The following KIAA0825 variants were observed in gnomAD, a reference collection of about 807,000 sequenced individuals.
The protein encoded by KIAA0825 is KIAA0825.
A neutral mutation model predicts 147.6 loss-of-function variants in KIAA0825; 119 were observed. That is an observed-to-expected ratio of 0.81 (90% CI 0.69 to 0.94). KIAA0825 has a LOEUF of 0.94. Ranked by LOEUF, KIAA0825 falls within the 40% of genes least tolerant of loss-of-function variation. The pLI is 0.00. For missense variants in KIAA0825, 1,381 were observed against 1,472.7 expected (o/e 0.94, Z 1.02); for synonymous variants, 470 against 518.1 (o/e 0.91, Z 1.26).
At chr5:94,378,778 C>CT (rs1747952914) in intron 20 of KIAA0825, among the ~76,000 whole-genome samples, 1 of 152,096 alleles carries the variant, frequency 6.6e-6, no homozygotes, top group African/African-American at 2.4e-5. Context: ...TATTTTTTGA[C>CT]TTTTTATTAG....
intron 20 of KIAA0825, among the ~76,000 whole-genome samples, chr5:94,331,372 G>T (rs983436708): frequency 6.6e-6 from 1 of 152,096 alleles, no homozygotes; most frequent in African/African-American, 2.4e-5. Context: ...ACTCATTCAA[G>T]AAGTAATAGA....
At chr5:94,452,667 C>T (rs1758565326) in intron 13 of KIAA0825, among the ~76,000 whole-genome samples, 1 of 152,060 alleles carries the variant, frequency 6.6e-6, no homozygotes, top group African/African-American at 2.4e-5. Context: ...CTGCCAAATC[C>T]CCAGTCATAG....
At chr5:94,405,502 T>C (rs1279622772) in intron 15 of KIAA0825, among the ~76,000 whole-genome samples, 1 of 152,170 alleles carries the variant, frequency 6.6e-6, no homozygotes, top group African/African-American at 2.4e-5. Flanking sequence ...TCCAGATAAA[T>C]TGTAAGTAAC....
At chr5:94,241,114 C>T (rs993472778) in intron 20 of KIAA0825, among the ~76,000 whole-genome samples, 19 of 152,150 alleles carry the variant, frequency 1.2e-4, no homozygotes, top group Non-Finnish European at 2.9e-5. Context: ...TCCCTGTTTT[C>T]TTTCCCAAAC....
intron 20 of KIAA0825, among the ~76,000 whole-genome samples, chr5:94,333,298 G>C (rs1435730901): frequency 6.6e-6 from 1 of 152,092 alleles, no homozygotes; most frequent in Non-Finnish European, 1.5e-5. Flanking sequence ...TGAAGTCTTT[G>C]CCCATGCCTA....
chr5:94,182,116 CCCTTCAGTGGGA>C (rs1391918764), intron 20 of KIAA0825, among the ~76,000 whole-genome samples: 2 of 152,000 alleles, frequency 1.3e-5, no homozygotes, highest in African/African-American at 2.4e-5. Context: ...TCCCATCCTA[CCCTTCAGTGGGA>C]CCTTCAGCGC....
intron 20 of KIAA0825, among the ~76,000 whole-genome samples, chr5:94,313,320 A>T (rs1032809369): frequency 3.3e-5 from 5 of 151,674 alleles, no homozygotes. Context: ...GAAGAGAGTA[A>T]CTTTTACGGC....
intron 2 of KIAA0825, among the ~76,000 whole-genome samples, chr5:94,577,833 AG>A (rs1210082021): frequency 1.3e-5 from 2 of 152,230 alleles, no homozygotes; most frequent in Admixed American, 6.5e-5. Flanking sequence ...CTTATGTAAG[AG>A]GTTGACCAAA....
chr5:94,417,321 A>T lies in KIAA0825; in HGVS notation c.2542T>A (p.Leu848Met), dbSNP rs1261604498. Residue 848 changes from leucine to methionine, a missense_variant, in exon 15 of 21, where the codon TTG becomes ATG. Coordinates refer to ENST00000682413, the MANE Select transcript of KIAA0825 (RefSeq NM_001145678.3). Reference protein sequence around the residue: ...TENNLNQGPSLMEAIFKILYH... With the variant: ...TENNLNQGPSMMEAIFKILYH... ...AATATTTTAAAGATGGCTTCCATCA[A>T]GCTGGGTCCTTGGTTCAGGTTATTT... The T allele has an allele frequency of 6.5e-7, 1 of 1,550,110 alleles. No individual in the cohort carries two copies.
At chr5:94,610,309 A>T (rs935581144) in intron 1 of KIAA0825, among the ~76,000 whole-genome samples, 3 of 151,632 alleles carry the variant, frequency 2.0e-5, no homozygotes, top group African/African-American at 2.4e-5. Flanking sequence ...AATCCCAGCT[A>T]CTCAGGAGGC....
At chr5:94,477,298 G>C in intron 6 of KIAA0825, 93 bp from the exon 7 acceptor site, 1 of 811,464 alleles carries the variant, frequency 1.2e-6, no homozygotes, top group Non-Finnish European at 2.0e-6. Flanking sequence ...TATTAACTAC[G>C]TAGAAAAGTT....
At chr5:94,508,319 T>TA (rs1766014053) in intron 5 of KIAA0825, among the ~76,000 whole-genome samples, 1 of 152,216 alleles carries the variant, frequency 6.6e-6, no homozygotes, top group African/African-American at 2.4e-5. Context: ...AAGATAATTA[T>TA]AAAAAATCAT....
chr5:94,174,685 C>A (rs1405281442), intron 20 of KIAA0825, among the ~76,000 whole-genome samples: 1 of 152,040 alleles, frequency 6.6e-6, no homozygotes, highest in South Asian at 2.1e-4. Flanking sequence ...AAAACTATAA[C>A]CCTTTTAAAT....
chr5:94,471,525 C>T lies in KIAA0825; in HGVS notation c.1662G>A (p.Ala554=), dbSNP rs61733074. The change falls in exon 9 of 21, where the codon GCG becomes GCA. Residue 554 remains alanine (A), a synonymous_variant. Transcript: ENST00000682413. ...LKNLHTYLST[A]VYVFQHFKRY... ...GCTTGAAATGCTGGAAGACATACAC[C>T]GCTGTGGAGAGGTATGTGTGCAAGT... is the stretch of plus-strand genomic sequence containing the variant. 443 of 1,551,980 alleles carry T rather than the reference C, an allele frequency of 2.9e-4. No individual in the cohort carries two copies. In the Middle Eastern group the frequency reaches 3.2e-3, roughly 11 times the overall value.
chr5:94,361,749 A>G (rs1257977477), intron 20 of KIAA0825, among the ~76,000 whole-genome samples: 1 of 152,188 alleles, frequency 6.6e-6, no homozygotes, highest in African/African-American at 2.4e-5. Context: ...TGAACAATTA[A>G]TTGTTCCTGT....
Position 94,595,235 on chromosome 5 carries a change from T to G in KIAA0825, c.-152-12652A>C, listed in dbSNP as rs114418781. 7.4e-3 allele frequency among the ~76,000 whole-genome samples: 1,131 copies of G among 152,338 alleles called. 15 individuals carry two copies. Among genetic ancestry groups the G allele is most frequent in the African/African-American group, 0.025 (1,048 of 41,574 alleles). On this transcript the variant is annotated intron_variant, in intron 1 of 20. Coordinates refer to ENST00000682413, the MANE Select transcript of KIAA0825 (RefSeq NM_001145678.3). The stretch of plus-strand genomic sequence containing the variant: ...AGGTTCTCCATGAGGGCTACACCCC[T>G]GCAGCACACCTCTGTCTGGACACCC...
chr5:94,526,378 G>A (rs1769280413), intron 3 of KIAA0825, among the ~76,000 whole-genome samples: 1 of 152,078 alleles, frequency 6.6e-6, no homozygotes, highest in African/African-American at 2.4e-5. Flanking sequence ...GGTACACAGA[G>A]AGCTTTAGCT....
intron 20 of KIAA0825, among the ~76,000 whole-genome samples, chr5:94,335,003 A>C (rs1781663692): frequency 6.6e-6 from 1 of 152,190 alleles, no homozygotes; most frequent in African/African-American, 2.4e-5. Context: ...ACAGATATTA[A>C]ACTGAATAAA....
chr5:94,436,354 T>A (rs1305566871), intron 14 of KIAA0825, among the ~76,000 whole-genome samples: 2 of 152,222 alleles, frequency 1.3e-5, no homozygotes, highest in African/African-American at 4.8e-5. Flanking sequence ...GCTAGCCAGT[T>A]CTCCCAGAAC....
Sources: gnomAD v4.1 joint callset for allele counts (sites outside exome capture counted in the v4.1 genomes callset) on GRCh38, gnomAD v4.1.1 for gene constraint, MANE v1.5 for transcripts, NCBI Gene and HGNC (gene_info 2026-07-23, HGNC 2026-07-21) for gene names.